VMA22: variants seen among roughly 807,000 people sequenced by gnomAD.
VMA22 encodes the protein vacuolar ATPase assembly protein VMA22.
At chr2:130,341,915 G>C in the VMA22 span, 1 of 1,611,918 alleles carries the variant, frequency 6.2e-7, no homozygotes, top group East Asian at 2.2e-5. Flanking sequence ...CGCCCATCGC[G>C]TAGCGAGCCT....
the VMA22 span, chr2:130,339,850 C>T: frequency 8.0e-7 from 1 of 1,251,202 alleles, no homozygotes; most frequent in Non-Finnish European, 1.0e-6. Flanking sequence ...AGGCCCTCTG[C>T]TGATCTCATC....
the VMA22 span, chr2:130,341,149 T>G: frequency 7.4e-7 from 1 of 1,352,570 alleles, no homozygotes. Context: ...ACACTGTTGG[T>G]TGGAAAATTC....
At chr2:130,340,012 C>A in the VMA22 span, 1 of 335,606 alleles carries the variant, frequency 3.0e-6, no homozygotes, top group Non-Finnish European at 5.4e-6. Context: ...TCCAGCAGGG[C>A]GTCGGTGGAT....
At chr2:130,342,216 A>C in the VMA22 span, 2 of 1,559,648 alleles carry the variant, frequency 1.3e-6, no homozygotes, top group Non-Finnish European at 1.7e-6. Flanking sequence ...TCCTCCATCA[A>C]GGGGCGTTCC....
the VMA22 span, chr2:130,338,124 T>C: frequency 6.6e-6 from 1 of 152,320 alleles, no homozygotes; most frequent in African/African-American, 2.4e-5. Flanking sequence ...ACAGAGGTTC[T>C]TGAAAATGCT....
chr2:130,342,206 T>A, the VMA22 span: 4 of 1,568,298 alleles, frequency 2.6e-6, no homozygotes, highest in Non-Finnish European at 3.5e-6. Flanking sequence ...GCACACGAGA[T>A]CCTCCATCAA....
chr2:130,339,485 T>C, the VMA22 span: 1 of 1,367,176 alleles, frequency 7.3e-7, no homozygotes, highest in Non-Finnish European at 9.5e-7. Flanking sequence ...GAACTAAAAA[T>C]TCACAGATAG....
the VMA22 span, chr2:130,339,371 C>T: frequency 1.5e-6 from 2 of 1,345,180 alleles, no homozygotes; most frequent in Non-Finnish European, 2.0e-6. Flanking sequence ...CAGGTACGGC[C>T]CTGCATTGGC....
the VMA22 span, chr2:130,338,363 A>G: frequency 6.6e-6 from 1 of 152,242 alleles, no homozygotes; most frequent in African/African-American, 2.4e-5. Flanking sequence ...GATAAACTGG[A>G]AAATAAGACT....
chr2:130,342,484 G>A, the VMA22 span: 1 of 507,362 alleles, frequency 2.0e-6, no homozygotes, highest in Non-Finnish European at 3.5e-6. Context: ...TTTTGGTTGA[G>A]GGAAGAGTGG....
At chr2:130,341,358 T>C in the VMA22 span, 1 of 538,696 alleles carries the variant, frequency 1.9e-6, no homozygotes, top group Non-Finnish European at 3.3e-6. Flanking sequence ...CCCCATTCTT[T>C]GTCTCAGGAT....
the VMA22 span, chr2:130,342,668 C>G: frequency 1.7e-5 from 9 of 515,372 alleles, no homozygotes; most frequent in Non-Finnish European, 2.8e-5. Context: ...CCTGGGCGGA[C>G]ATATTTATTA....
At chr2:130,340,221 C>T in the VMA22 span, 2 of 164,436 alleles carry the variant, frequency 1.2e-5, no homozygotes, top group Admixed American at 1.1e-4. Flanking sequence ...GTTCCCACCA[C>T]TTACCTCCTC....
the VMA22 span, chr2:130,340,835 G>A: frequency 6.4e-7 from 1 of 1,568,062 alleles, no homozygotes; most frequent in East Asian, 2.2e-5. Flanking sequence ...CCCAGCCATG[G>A]CAGCAGTGCT....
the VMA22 span, chr2:130,339,294 C>A: frequency 6.8e-7 from 1 of 1,476,424 alleles, no homozygotes; most frequent in Non-Finnish European, 9.3e-7. Context: ...CCAGGAGGAT[C>A]TGGATATCCC....
chr2:130,342,269 C>T, the VMA22 span: 1 of 1,509,308 alleles, frequency 6.6e-7, no homozygotes, highest in Non-Finnish European at 8.9e-7. Context: ...GCCTCTGGGT[C>T]AGCTTCTTTA....
chr2:130,341,692 T>C, the VMA22 span: 8 of 1,611,600 alleles, frequency 5.0e-6, no homozygotes, highest in Admixed American at 1.2e-4. Flanking sequence ...CCACCTCCTC[T>C]GGGGCGTGGA....
the VMA22 span, chr2:130,341,652 G>T: frequency 6.2e-7 from 1 of 1,605,492 alleles, no homozygotes; most frequent in African/African-American, 1.3e-5. Flanking sequence ...TCTGCAGAAG[G>T]AAGAGGGGGC....
At chr2:130,341,660 G>T in the VMA22 span, 1 of 1,609,404 alleles carries the variant, frequency 6.2e-7, no homozygotes, top group Non-Finnish European at 8.5e-7. Flanking sequence ...AGGAAGAGGG[G>T]GCTCACCTGC....
Sources: allele counts gnomAD v4.1 joint callset, GRCh38; gene constraint gnomAD v4.1.1; transcripts MANE v1.5; gene names NCBI Gene and HGNC (gene_info 2026-07-23, HGNC 2026-07-21).